The following ARID4A variants were observed in gnomAD, a reference collection of about 807,000 sequenced individuals.
The protein encoded by ARID4A is AT-rich interaction domain 4A.
In ARID4A, 39 loss-of-function variants were observed where a neutral mutation model predicts 148.6. The ratio of observed to expected loss-of-function variants is 0.26; its 90% CI spans 0.20 to 0.34. The LOEUF (loss-of-function observed/expected upper bound fraction) is 0.34. Ranked by LOEUF, ARID4A falls within the 10% of genes least tolerant of loss-of-function variation. The pLI, the probability that ARID4A is intolerant of heterozygous loss-of-function variation, is 1.00. For missense variants in ARID4A, 1,265 were observed against 1,449.1 expected (o/e 0.87, Z 2.06); for synonymous variants, 475 against 481.2 (o/e 0.99, Z 0.17).
At position 58,372,139 on chromosome 14, in the gene ARID4A, T is replaced by C. The variant is rs2035641452; in HGVS notation, c.*150T>C. The C allele has an allele frequency of 5.5e-6, 3 of 547,682 alleles. No homozygotes were observed. The highest frequency in any genetic ancestry group is 9.6e-6 in the Non-Finnish European group (3 of 313,498). The allele number at this position is 547,682 out of a possible 1,614,324, so 33.9% of individuals were successfully genotyped here. ...AGGCTGGATTGTATCTATTCCCCTC[T>C]CTCTTCTTTTTTCTTGTTGCAAAAA... On this transcript the variant is annotated 3_prime_UTR_variant, in exon 24 of 24. Coordinates refer to ENST00000355431, the MANE Select transcript of ARID4A (RefSeq NM_002892.4).
chr14:58,344,874 A>T (rs1193934527), intron 12 of ARID4A, 107 bp downstream of exon 12: 1 of 705,092 alleles, frequency 1.4e-6, no homozygotes, highest in Non-Finnish European at 2.2e-6. Context: ...TTTGGATTTT[A>T]TTTATTTATT....
At chr14:58,302,522 G>T (rs1022002412) in intron 3 of ARID4A, among the ~76,000 whole-genome samples, 6 of 152,060 alleles carry the variant, frequency 3.9e-5, no homozygotes, top group African/African-American at 1.4e-4. Context: ...ACCTGGCATG[G>T]TGGTGCACAC....
chr14:58,341,029 TTC>T (rs1229422770), intron 11 of ARID4A, among the ~76,000 whole-genome samples: 1 of 152,046 alleles, frequency 6.6e-6, no homozygotes, highest in Non-Finnish European at 1.5e-5. Context: ...CCCTCTCCCC[TTC>T]TCTCTCCCTC....
chr14:58,321,657 A>C (rs962438489), intron 7 of ARID4A, among the ~76,000 whole-genome samples: 2 of 152,198 alleles, frequency 1.3e-5, no homozygotes, highest in Non-Finnish European at 2.9e-5. Flanking sequence ...GCTGGGGAGT[A>C]TATAATGAGT....
At position 58,339,940 on chromosome 14, in the gene ARID4A, C is replaced by T. The variant is rs372902962; in HGVS notation, c.907-4755C>T. Among the ~76,000 whole-genome samples, 4 of 152,024 alleles carry T rather than the reference C, an allele frequency of 2.6e-5. 1 individual carries two copies. ...AACCAGATCTCATGAGACCTCACTA[C>T]CATGAGAACAGCAAGGGTGAAATCT... is the stretch of plus-strand genomic sequence containing the variant. On this transcript the variant is annotated intron_variant, in intron 11 of 23. Transcript: ENST00000355431.
intron 8 of ARID4A, among the ~76,000 whole-genome samples, chr14:58,325,636 T>C (rs1289892896): frequency 2.0e-5 from 3 of 152,194 alleles, no homozygotes; most frequent in Non-Finnish European, 4.4e-5. Context: ...TTATCTCTAA[T>C]AATAATTGTG....
chr14:58,356,861 C>T (rs1324384233), intron 17 of ARID4A, among the ~76,000 whole-genome samples: 5 of 151,972 alleles, frequency 3.3e-5, no homozygotes, highest in Non-Finnish European at 5.9e-5. Context: ...GCCACCATGC[C>T]CAGCTAATTT....
intron 5 of ARID4A, among the ~76,000 whole-genome samples, chr14:58,308,436 GA>G (rs2031772542): frequency 6.6e-6 from 1 of 152,160 alleles, no homozygotes; most frequent in Non-Finnish European, 1.5e-5. Context: ...TAAAAACAGG[GA>G]AAAACAGATT....
rs768753599 is a variant in ARID4A at position 58,323,494 on chromosome 14, T to A, written c.459T>A (p.Asp153Glu). The A allele has an allele frequency of 6.2e-7, 1 of 1,610,464 alleles. No homozygotes were observed. Among genetic ancestry groups the A allele is most frequent in the Non-Finnish European group, 8.5e-7 (1 of 1,176,748 alleles). ...GRRSSLPVTE[D>E]EKEEESSEEE... is the part of the protein sequence containing the mutation. ...TTATTCTAACTTTTAGTACTGAAGA[T>A]GAAAAGGAAGAAGAAAGCAGTGAAG... Residue 153 changes from aspartate (D) to glutamate (E), a missense_variant, in exon 8 of 24, where the codon GAT (aspartate) becomes GAA (glutamate). This residue lies in a region of ARID4A where 249 missense variants were observed against 277.2 expected (regional missense o/e 0.90). Transcript: ENST00000355431.
intron 11 of ARID4A, among the ~76,000 whole-genome samples, chr14:58,331,129 T>G (rs2033493607): frequency 6.6e-6 from 1 of 152,238 alleles, no homozygotes; most frequent in Admixed American, 6.5e-5. Context: ...TCTTTCCTTT[T>G]ACTTCCCCTG....
intron 8 of ARID4A, among the ~76,000 whole-genome samples, chr14:58,327,808 A>T (rs1203940159): frequency 6.6e-6 from 1 of 151,962 alleles, no homozygotes; most frequent in Admixed American, 6.6e-5. Flanking sequence ...TGTAGCTGGG[A>T]CTATAGGCAC....
chr14:58,320,168 G>T (rs1176465425), intron 7 of ARID4A, among the ~76,000 whole-genome samples: 1 of 151,642 alleles, frequency 6.6e-6, no homozygotes, highest in Non-Finnish European at 1.5e-5. Flanking sequence ...GGATGATCTC[G>T]ATCTCTTGAC....
chr14:58,372,058 C>A lies in ARID4A; in HGVS notation c.*69C>A. The A allele has an allele frequency of 3.7e-6, 4 of 1,093,360 alleles. No homozygotes were observed. Among genetic ancestry groups the A allele is most frequent in the Non-Finnish European group, 5.5e-6 (4 of 721,504 alleles). 67.7% of individuals were successfully genotyped at this position (1,093,360 alleles called of 1,614,324 possible). On this transcript the variant is annotated 3_prime_UTR_variant, in exon 24 of 24. Transcript: ENST00000355431. ...TAAATCCCCAAACCCTGAATTACAA[C>A]CACAGAAAGCACTCAACTGGTTTGA...
intron 11 of ARID4A, among the ~76,000 whole-genome samples, chr14:58,333,642 T>C (rs2140200565): frequency 6.6e-6 from 1 of 152,226 alleles, no homozygotes; most frequent in South Asian, 2.1e-4. Flanking sequence ...TAAGATTATA[T>C]TCCAGTATTG....
intron 17 of ARID4A, among the ~76,000 whole-genome samples, chr14:58,356,614 T>C (rs1174256678): frequency 6.6e-6 from 1 of 152,114 alleles, no homozygotes; most frequent in African/African-American, 2.4e-5. Flanking sequence ...TCCTAACTTA[T>C]AGTGGTTCAA....
At position 58,364,430 on chromosome 14, in the gene ARID4A, G is replaced by C; in HGVS notation, c.2341G>C (p.Glu781Gln). The part of the protein sequence containing the change: ...IFGNKMEKTE[E>Q]VKKEAEKSPK... ...TGGGAACAAAATGGAAAAAACAGAA[G>C]AAGTTAAGAAAGAAGCCGAAAAATC... Residue 781 changes from glutamate to glutamine, a missense_variant, in exon 20 of 24, where the codon GAA becomes CAA. Transcript: ENST00000355431. 1.9e-6 allele frequency: 3 copies of C among 1,612,898 alleles called. No homozygotes were observed. The highest frequency in any genetic ancestry group is 2.5e-6 in the Non-Finnish European group (3 of 1,179,790).
intron 1 of ARID4A, among the ~76,000 whole-genome samples, chr14:58,299,012 C>T (rs948139741): frequency 6.6e-6 from 1 of 152,174 alleles, no homozygotes; most frequent in Non-Finnish European, 1.5e-5. Flanking sequence ...GGAGCCGTCC[C>T]CCAACTCCGC....
intron 5 of ARID4A, among the ~76,000 whole-genome samples, chr14:58,316,890 A>G (rs1246381712): frequency 7.4e-6 from 1 of 135,970 alleles, no homozygotes; most frequent in Non-Finnish European, 1.6e-5. Flanking sequence ...AAGTAGTATG[A>G]TTTTTTAAAA....
chr14:58,316,212 C>A (rs1000628235), intron 5 of ARID4A, among the ~76,000 whole-genome samples: 1 of 152,094 alleles, frequency 6.6e-6, no homozygotes, highest in Non-Finnish European at 1.5e-5. Context: ...TTTTTGTTAA[C>A]ACTGACTTAT....
Sources: gnomAD v4.1 joint callset for allele counts (sites outside exome capture counted in the v4.1 genomes callset) on GRCh38, gnomAD v4.1.1 for gene constraint, gnomAD v4.1.1 regional missense constraint, MANE v1.5 for transcripts, NCBI Gene and HGNC (gene_info 2026-07-23, HGNC 2026-07-21) for gene names.